The following CEP164 variants were observed in gnomAD, a reference collection of about 807,000 sequenced individuals.
CEP164 encodes centrosomal protein of 164 kDa.
In CEP164, 162 loss-of-function variants were observed where a neutral mutation model predicts 182.7. The observed-to-expected ratio is 0.89, with a 90% CI of 0.78 to 1.01. The LOEUF (loss-of-function observed/expected upper bound fraction) is 1.01, where lower values mean the gene tolerates loss of function less well. Among genes scored for constraint, CEP164 ranks in the 50% least tolerant of loss-of-function variants. CEP164 has a pLI of 0.00. For synonymous variants in CEP164, 661 were observed against 690.0 expected (o/e 0.96, Z 0.66); for missense variants, 1,735 against 1,790.4 (o/e 0.97, Z 0.56).
chr11:117,361,233 CTTTTTTTTTT>C (rs71469129), intron 5 of CEP164, among the ~76,000 whole-genome samples: 6 of 90,198 alleles, frequency 6.7e-5, no homozygotes, highest in East Asian at 3.4e-4. Flanking sequence ...CTGCGCCTGG[CTTTTTTTTTT>C]TTTTTTTTTT....
Position 117,394,815 on chromosome 11 carries a change from A to C in CEP164, c.2761-105A>C. 3.5e-6 allele frequency: 4 copies of C among 1,155,726 alleles called. No homozygotes were observed. In the South Asian group the frequency reaches 5.5e-5, roughly 16 times the overall value. The allele number at this position is 1,155,726 out of a possible 1,614,324, so 71.6% of individuals were successfully genotyped here. Reference sequence around the variant, plus strand: ...GCACACAGCGAGGAAGCCTGAGCCCAGAGTGGAGGTTGTGGTGTGGCATGG... The same window carrying C: ...GCACACAGCGAGGAAGCCTGAGCCCCGAGTGGAGGTTGTGGTGTGGCATGG... On this transcript the variant is annotated intron_variant, in intron 21 of 32. Transcript: ENST00000278935. This position sits in a 1 kb window ranked among gnomAD's most constrained non-coding sequence, Gnocchi z 4.0.
At position 117,392,532 on chromosome 11, in the gene CEP164, C is replaced by T. The variant is rs1414388178; in HGVS notation, c.2398C>T (p.Gln800Ter). 6.2e-7 allele frequency: 1 copy of T among 1,614,148 alleles called. No individual in the cohort carries two copies. The highest frequency in any genetic ancestry group is 8.5e-7 in the Non-Finnish European group (1 of 1,180,036). ...CCTCCAGAAGAAGATACAGGAAGCT[C>T]AACAGAAAGAGGAGGCCCAGCTGCA... ...SSLQKKIQEAQQKEEAQLQKC... is the reference protein window; with the variant it reads ...SSLQKKIQEA Residue 800 changes from glutamine (Q) to a stop codon, truncating the protein, a stop_gained, in exon 19 of 33, where the codon CAA becomes TAA. Transcript: ENST00000278935. LOFTEE classifies it high-confidence loss of function.
At chr11:117,410,962 C>A (rs1436266799) in intron 31 of CEP164, 68 bp downstream of exon 31, 2 of 1,437,394 alleles carry the variant, frequency 1.4e-6, no homozygotes, top group African/African-American at 2.8e-5. Context: ...CCTCCCTGGG[C>A]AGGTGGACCT....
At chr11:117,378,969 T>A (rs1340328831) in intron 11 of CEP164, among the ~76,000 whole-genome samples, 10 of 152,186 alleles carry the variant, frequency 6.6e-5, no homozygotes, top group Non-Finnish European at 1.5e-4. Flanking sequence ...CCCACTTCAT[T>A]ACTCATCTTA....
intron 27 of CEP164, among the ~76,000 whole-genome samples, chr11:117,400,025 C>T (rs2045955477): frequency 6.6e-6 from 1 of 152,086 alleles, no homozygotes; most frequent in Non-Finnish European, 1.5e-5. Flanking sequence ...CTTTTGTTGC[C>T]ATTGCTTTTG....
upstream of CEP164, among the ~76,000 whole-genome samples, chr11:117,323,132 C>T (rs1463816743): frequency 6.6e-6 from 1 of 152,016 alleles, no homozygotes; most frequent in Non-Finnish European, 1.5e-5. Flanking sequence ...AACTCCTGAC[C>T]TCAAGTGATC....
chr11:117,406,233 G>A (rs1018133328), intron 27 of CEP164, among the ~76,000 whole-genome samples: 1 of 152,210 alleles, frequency 6.6e-6, no homozygotes, highest in Non-Finnish European at 1.5e-5. Context: ...CAGAATCATG[G>A]CGGGAGGCAA....
chr11:117,359,882 A>G lies in CEP164; in HGVS notation c.394-1953A>G, dbSNP rs191981048. ...CACCTAGTCAGGTGGCAAGGCACACATCATCTCCATCTTGCGGATGAGTAA... is the reference window on the plus strand; with the variant it reads ...CACCTAGTCAGGTGGCAAGGCACACGTCATCTCCATCTTGCGGATGAGTAA... On this transcript the variant is annotated intron_variant, in intron 5 of 32. Transcript: ENST00000278935. Among the ~76,000 whole-genome samples, 3 of 152,304 alleles carry G rather than the reference A, an allele frequency of 2.0e-5. No homozygotes were observed. The East Asian group carries it at 5.8e-4, about 29-fold the overall frequency.
chr11:117,408,074 CCT>C, intron 28 of CEP164, 42 bp downstream of exon 28: 1 of 1,436,540 alleles, frequency 7.0e-7, no homozygotes, highest in Non-Finnish European at 9.6e-7. Context: ...CCCTGGCCTT[CCT>C]CTTCTGTTCT....
chr11:117,405,947 C>T (rs957465242), intron 27 of CEP164, among the ~76,000 whole-genome samples: 1 of 152,198 alleles, frequency 6.6e-6, no homozygotes, highest in Non-Finnish European at 1.5e-5. Context: ...GCATTTTTGT[C>T]AAAGCCATTC....
In CEP164 at chr11:117,394,998, G is replaced by A. The variant is rs1448395028; in HGVS notation, c.2839G>A (p.Val947Ile). The change falls in exon 22 of 33, where the codon GTC becomes ATC. Residue 947 changes from valine to isoleucine, a missense_variant. Val to Ile is a conservative substitution (Grantham distance 29, BLOSUM62 3). Transcript: ENST00000278935. This position sits in a 1 kb window ranked among gnomAD's most constrained non-coding sequence, Gnocchi z 4.0. ...CAAGGCCAGATTGGCTCTGCTGGAGGTCCAGGTGAGGGATCTGCAGGAGTC... is the reference window on the plus strand; with the variant it reads ...CAAGGCCAGATTGGCTCTGCTGGAGATCCAGGTGAGGGATCTGCAGGAGTC... Reference protein sequence around the residue: ...DVKARLALLEVQEETARREKQ... With the variant: ...DVKARLALLEIQEETARREKQ... The A allele has an allele frequency of 6.2e-7, 1 of 1,614,084 alleles. No homozygotes were observed. The highest frequency in any genetic ancestry group is 1.7e-5 in the Admixed American group (1 of 60,034).
At chr11:117,363,759 C>CTT (rs72255760) in intron 8 of CEP164, among the ~76,000 whole-genome samples, 836 of 58,434 alleles carry the variant, frequency 0.014, 172 homozygotes, top group African/African-American at 0.043. Flanking sequence ...ACCTCCAATG[C>CTT]TTTTTTTTTT....
intron 3 of CEP164, among the ~76,000 whole-genome samples, chr11:117,343,404 G>A (rs1055264155): frequency 1.3e-5 from 2 of 152,168 alleles, no homozygotes; most frequent in African/African-American, 4.8e-5. Flanking sequence ...TACTCTAATT[G>A]TGTGTTTGTA....
intron 18 of CEP164, 34 bp from the exon 19 acceptor site, chr11:117,392,462 T>G: frequency 1.2e-6 from 2 of 1,603,594 alleles, no homozygotes; most frequent in Non-Finnish European, 1.7e-6. Flanking sequence ...TGTCTGAGGG[T>G]CACACTCCCC....
rs562650691 is a variant in CEP164, at chr11:117,410,895, G to A, written c.4163+1G>A. 4 of 1,612,712 alleles carry A rather than the reference G, an allele frequency of 2.5e-6. No individual in the cohort carries two copies. The highest frequency in any genetic ancestry group is 2.2e-5 in the East Asian group (1 of 44,848). On this transcript the variant is annotated splice_donor_variant, in intron 31 of 32. Transcript: ENST00000278935. LOFTEE classifies it high-confidence loss of function. Reference sequence around the variant, plus strand: ...GCAGGCTGGGTTACATGTCTGCCAGGTGAGCCTCCCTGGGGGCTGGTTGGG... The same window carrying A: ...GCAGGCTGGGTTACATGTCTGCCAGATGAGCCTCCCTGGGGGCTGGTTGGG...
At chr11:117,382,749 T>G (rs779718398) in intron 13 of CEP164, 47 bp from the exon 14 acceptor site, 1 of 1,599,930 alleles carries the variant, frequency 6.3e-7, no homozygotes. Flanking sequence ...TTAAGCCTCT[T>G]GCTTTCTTAC....
intron 11 of CEP164, among the ~76,000 whole-genome samples, chr11:117,376,267 G>C (rs1203434764): frequency 6.6e-6 from 1 of 151,652 alleles, no homozygotes; most frequent in African/African-American, 2.4e-5. Flanking sequence ...GTTCACCTCT[G>C]ACACCTCCTC....
rs1303855838 is a variant in CEP164, at chr11:117,379,402, G to A, written c.1318-1212G>A. Reference sequence around the variant, plus strand: ...GACCCTACTGGGAAAGATGGAGTGAGCTGTCTCCCGCCCCACCTCTCCTGT... The same window carrying A: ...GACCCTACTGGGAAAGATGGAGTGAACTGTCTCCCGCCCCACCTCTCCTGT... On this transcript the variant is annotated intron_variant, in intron 11 of 32. Transcript: ENST00000278935. Among the ~76,000 whole-genome samples, 4 of 152,312 alleles carry A rather than the reference G, an allele frequency of 2.6e-5. No homozygotes were observed. In the East Asian group the frequency reaches 7.7e-4, roughly 29 times the overall value.
chr11:117,403,264 C>T (rs898730991), intron 27 of CEP164, among the ~76,000 whole-genome samples: 4 of 152,166 alleles, frequency 2.6e-5, no homozygotes, highest in African/African-American at 9.7e-5. Flanking sequence ...TTCATAGCAT[C>T]GATGGTCTTT....
Sources: gnomAD v4.1 joint callset for allele counts (sites outside exome capture counted in the v4.1 genomes callset) on GRCh38, gnomAD v4.1.1 for gene constraint, Gnocchi (gnomAD v3.1) non-coding constraint, MANE v1.5 for transcripts, NCBI Gene and HGNC (gene_info 2026-07-23, HGNC 2026-07-21) for gene names.